MFSD12: variants seen among roughly 807,000 people sequenced by gnomAD.
The protein encoded by MFSD12 is major facilitator superfamily domain containing 12.
A neutral mutation model predicts 51.2 loss-of-function variants in MFSD12; 67 were observed. The ratio of observed to expected loss-of-function variants is 1.31; its 90% CI spans 1.08 to 1.60. The LOEUF is 1.60. Among genes scored for constraint, MFSD12 ranks in the 40% most tolerant of loss-of-function variants. The probability of loss-of-function intolerance (pLI) is 0.00; values close to 1 mark genes in which losing one functional copy is unlikely to be tolerated. For missense variants in MFSD12, 921 were observed against 673.0 expected (o/e 1.37, Z -4.08); for synonymous variants, 441 against 316.7 (o/e 1.39, Z -4.17).
intron 2 of MFSD12, among the ~76,000 whole-genome samples, chr19:3,548,606 G>T (rs543213398): frequency 6.6e-6 from 1 of 152,290 alleles, no homozygotes; most frequent in Admixed American, 6.5e-5. Context: ...CCAGATGCTG[G>T]GCGGCTAAAG....
chr19:3,544,650 G>A lies in MFSD12; in HGVS notation c.*60C>T. 1.9e-6 allele frequency: 3 copies of A among 1,545,574 alleles called. No homozygotes were observed. Among genetic ancestry groups the A allele is most frequent in the East Asian group, 2.3e-5 (1 of 44,060 alleles). ...AGTGGGGGCTTTTCCCCAAGGCCCT[G>A]GGGGGCATCCTCGTGCGTCCCCACA... On this transcript the variant is annotated 3_prime_UTR_variant, in exon 10 of 10. Coordinates refer to ENST00000355415, the MANE Select transcript of MFSD12 (RefSeq NM_174983.5).
chr19:3,546,991 C>T (rs763085638), intron 6 of MFSD12, among the ~76,000 whole-genome samples: 3 of 152,186 alleles, frequency 2.0e-5, no homozygotes, highest in African/African-American at 4.8e-5. Context: ...CCGCCACCAA[C>T]GCCCGGCTAA....
rs755002966 is a variant in MFSD12, at chr19:3,546,457, C to T, written c.1024-32G>A. ...GGACAGCCCCGGGGTCAGGCCCACA[C>T]CACTGGGTGCCCCCAAGCCTGGCGC... On this transcript the variant is annotated intron_variant, in intron 6 of 9. Coordinates refer to ENST00000355415, the MANE Select transcript of MFSD12 (RefSeq NM_174983.5). The T allele has an allele frequency of 3.4e-5, 54 of 1,576,584 alleles. 1 individual carries two copies. The South Asian group carries it at 6.0e-4, about 18-fold the overall frequency.
intron 4 of MFSD12, chr19:3,538,992 C>G (rs1218295721): frequency 1.6e-6 from 1 of 629,830 alleles, no homozygotes; most frequent in African/African-American, 1.8e-5. Flanking sequence ...CTTGCCCACC[C>G]ACACTGTGTC....
downstream of MFSD12, chr19:3,539,294 CCCCTCCCT>C (rs138477057): frequency 9.9e-5 from 127 of 1,283,246 alleles, 2 homozygotes; most frequent in Non-Finnish European, 1.2e-4. Flanking sequence ...CCCCTCCCAG[CCCCTCCCT>C]CCCTCCCTCC....
At chr19:3,539,574 C>CA (rs2030189492), downstream of MFSD12, 1 of 357,210 alleles carries the variant, frequency 2.8e-6, no homozygotes, top group Non-Finnish European at 5.2e-6. Flanking sequence ...GGGCTGGGCC[C>CA]TTCTGTGGCT....
chr19:3,551,016 G>A lies in MFSD12; in HGVS notation c.477C>T (p.Asn159=), dbSNP rs370005550. The A allele has an allele frequency of 1.0e-4, 166 of 1,612,630 alleles. 1 individual carries two copies. Among genetic ancestry groups the A allele is most frequent in the South Asian group, 2.5e-4 (23 of 91,048 alleles). The change falls in exon 2 of 10, where the codon AAC becomes AAT. Residue 159 remains asparagine, a synonymous_variant. Transcript: ENST00000355415. This position sits in a 1 kb window ranked among gnomAD's most constrained non-coding sequence, Gnocchi z 4.6. ...HLSLIPELVT[N]DHEKVELTAL... ...CCGTGAGCTCCACCTTCTCATGGTC[G>A]TTGGTGACGAGCTCCGGGATGAGGC...
chr19:3,547,847 C>T lies in MFSD12; in HGVS notation c.837+1G>A, dbSNP rs934551016. The T allele has an allele frequency of 6.7e-7, 1 of 1,499,106 alleles. No homozygotes were observed. Among genetic ancestry groups the T allele is most frequent in the Non-Finnish European group, 8.9e-7 (1 of 1,128,042 alleles). 92.9% of individuals were successfully genotyped at this position (1,499,106 alleles called of 1,614,324 possible). On this transcript the variant is annotated splice_donor_variant, in intron 4 of 9. Transcript: ENST00000355415. LOFTEE classifies it high-confidence loss of function. Reference sequence around the variant, plus strand: ...CCAGCCCCACCGTCCCCAGCACGCACCTGGTAGAAAGCCGGCTCCCGGAGC... The same window carrying T: ...CCAGCCCCACCGTCCCCAGCACGCATCTGGTAGAAAGCCGGCTCCCGGAGC...
At chr19:3,538,766 T>C (rs766020501) in intron 4 of MFSD12, 2 of 512,006 alleles carry the variant, frequency 3.9e-6, no homozygotes, top group Non-Finnish European at 8.0e-6. Context: ...CCTGGGTGTA[T>C]TTTACAAACG....
rs574563216 is a variant in MFSD12, at chr19:3,554,359, C to T, written c.298+2747G>A. Among the ~76,000 whole-genome samples the T allele has an allele frequency of 4.6e-5, 7 of 151,558 alleles. No homozygotes were observed. The East Asian group carries it at 1.2e-3, about 25-fold the overall frequency. On this transcript the variant is annotated intron_variant, in intron 1 of 9. Coordinates refer to ENST00000355415, the MANE Select transcript of MFSD12 (RefSeq NM_174983.5). ...GGCTGACGCACGAGAATCCTTTGAA[C>T]TCAGGAGGCGAAGGTTGCAGTGAGC...
At chr19:3,549,957 G>T (rs2031376625) in intron 2 of MFSD12, among the ~76,000 whole-genome samples, 1 of 152,084 alleles carries the variant, frequency 6.6e-6, no homozygotes, top group Non-Finnish European at 1.5e-5. Flanking sequence ...AGACTACGGT[G>T]TGTGAGCCTG....
downstream of MFSD12, chr19:3,543,808 T>A: frequency 6.6e-7 from 1 of 1,504,916 alleles, no homozygotes; most frequent in Non-Finnish European, 8.9e-7. Context: ...GGGCACATGG[T>A]GACCCGAGTC....
At chr19:3,554,874 T>C (rs1232270537) in intron 1 of MFSD12, among the ~76,000 whole-genome samples, 5 of 152,206 alleles carry the variant, frequency 3.3e-5, no homozygotes, top group Non-Finnish European at 1.5e-5. Context: ...AGTCACCTGC[T>C]CAGGCATCAA....
In MFSD12 at chr19:3,551,971, T is replaced by G. The variant is rs1715094; in HGVS notation, c.299-777A>C. On this transcript the variant is annotated intron_variant, in intron 1 of 9. Coordinates refer to ENST00000355415, the MANE Select transcript of MFSD12 (RefSeq NM_174983.5). This position sits in a 1 kb window ranked among gnomAD's most constrained non-coding sequence, Gnocchi z 4.6. Reference sequence around the variant, plus strand: ...GCTCTCTCTCACATCTTAGCAAGACTGGCTCCTTTTCACCTCTGGGCTCAA... The same window carrying G: ...GCTCTCTCTCACATCTTAGCAAGACGGGCTCCTTTTCACCTCTGGGCTCAA... Among the ~76,000 whole-genome samples the G allele has an allele frequency of 1.3e-5, 2 of 151,854 alleles. No individual in the cohort carries two copies. The highest frequency in any genetic ancestry group is 2.4e-5 in the African/African-American group (1 of 41,408).
intron 8 of MFSD12, 142 bp from the exon 9 acceptor site, chr19:3,545,081 C>G: frequency 8.9e-7 from 1 of 1,123,344 alleles, no homozygotes; most frequent in Non-Finnish European, 1.2e-6. Context: ...CTCCCTCCCT[C>G]CTGTCCCACA....
chr19:3,546,109 C>A lies in MFSD12; in HGVS notation c.1254G>T (p.Leu418=). The change falls in exon 8 of 10, where the codon CTG becomes CTT. Residue 418 remains leucine (L), a synonymous_variant. Transcript: ENST00000355415. ...GCAGGCTCTGGATGGCCATGACTGC[C>A]AGCCCATTGGCCACCTTATCCAAGA... is the stretch of plus-strand genomic sequence containing the variant. The part of the protein sequence containing the change: ...MSFLDKVANG[L]AVMAIQSLHP... 6.2e-7 allele frequency: 1 copy of A among 1,613,438 alleles called. No individual in the cohort carries two copies. The highest frequency in any genetic ancestry group is 1.3e-5 in the African/African-American group (1 of 75,076).
intron 1 of MFSD12, among the ~76,000 whole-genome samples, 188 bp downstream of exon 1, chr19:3,556,916 CAG>C (rs1283860833): frequency 6.6e-6 from 1 of 151,972 alleles, no homozygotes; most frequent in African/African-American, 2.4e-5. Context: ...ATAGGGCAGA[CAG>C]ATACATAGGG....
At chr19:3,543,414 G>A (rs774449107), downstream of MFSD12, 243 of 1,547,582 alleles carry the variant, frequency 1.6e-4, no homozygotes, top group African/African-American at 4.3e-4. Flanking sequence ...AGCCCCTTCC[G>A]CGAGGCCTAC....
chr19:3,546,569 C>T (rs1004326964), intron 6 of MFSD12, 144 bp from the exon 7 acceptor site: 3 of 972,666 alleles, frequency 3.1e-6, no homozygotes, highest in Admixed American at 2.8e-5. Context: ...GCCCTGGACA[C>T]AACACCGAGG....
Sources: allele counts gnomAD v4.1 joint callset (sites outside exome capture counted in the v4.1 genomes callset), GRCh38; gene constraint gnomAD v4.1.1; non-coding constraint Gnocchi (gnomAD v3.1); transcripts MANE v1.5; gene names NCBI Gene and HGNC (gene_info 2026-07-23, HGNC 2026-07-21).